KIAA0825: variants seen among roughly 807,000 people sequenced by gnomAD.
KIAA0825 encodes the protein KIAA0825.
Under a neutral mutation model 147.6 loss-of-function variants are expected in KIAA0825, and 119 were observed. The ratio of observed to expected loss-of-function variants is 0.81; its 90% CI spans 0.69 to 0.94. The LOEUF (loss-of-function observed/expected upper bound fraction) is 0.94. Among genes scored for constraint, KIAA0825 ranks in the 40% least tolerant of loss-of-function variants. KIAA0825 has a pLI of 0.00. For missense variants in KIAA0825, 1,381 were observed against 1,472.7 expected, an observed-to-expected ratio of 0.94 and a Z score of 1.02; for synonymous variants, 470 against 518.1, an observed-to-expected ratio of 0.91 and a Z score of 1.26.
intron 20 of KIAA0825, among the ~76,000 whole-genome samples, chr5:94,298,714 T>C (rs1778251984): frequency 6.6e-6 from 1 of 152,320 alleles, no homozygotes; most frequent in Middle Eastern, 3.4e-3. Context: ...TCTGAATCTA[T>C]AGAATTGCCA....
chr5:94,251,088 G>A (rs895092041), intron 20 of KIAA0825, among the ~76,000 whole-genome samples: 1 of 151,932 alleles, frequency 6.6e-6, no homozygotes, highest in Non-Finnish European at 1.5e-5. Context: ...TCATTGTTGG[G>A]TGACCCATCT....
intron 1 of KIAA0825, among the ~76,000 whole-genome samples, chr5:94,613,824 A>G (rs977124722): frequency 6.6e-6 from 1 of 152,276 alleles, no homozygotes; most frequent in East Asian, 1.9e-4. Context: ...GTGAGTCAGG[A>G]GGACAACGAG....
At chr5:94,262,836 T>TG (rs897968796) in intron 20 of KIAA0825, among the ~76,000 whole-genome samples, 11 of 151,724 alleles carry the variant, frequency 7.3e-5, no homozygotes, top group Non-Finnish European at 1.5e-4. Context: ...ACTGTGGGGG[T>TG]GGGGGGCTGT....
chr5:94,289,054 T>A (rs936861914), intron 20 of KIAA0825, among the ~76,000 whole-genome samples: 2 of 152,126 alleles, frequency 1.3e-5, no homozygotes, highest in Non-Finnish European at 1.5e-5. Context: ...GCCCAAGTAC[T>A]TTTCCCTCTG....
intron 20 of KIAA0825, among the ~76,000 whole-genome samples, chr5:94,250,137 A>AGGG (rs1775874647): frequency 6.6e-6 from 1 of 152,120 alleles, no homozygotes; most frequent in Non-Finnish European, 1.5e-5. Flanking sequence ...AGCCAATCCA[A>AGGG]TACATCAGAA....
At chr5:94,321,480 CA>C (rs1179000377) in intron 20 of KIAA0825, among the ~76,000 whole-genome samples, 2 of 151,916 alleles carry the variant, frequency 1.3e-5, no homozygotes, top group African/African-American at 4.8e-5. Flanking sequence ...AAAAGTGAGG[CA>C]CTGAAAGGTA....
At chr5:94,518,195 ATGT>A (rs1767568904) in intron 5 of KIAA0825, among the ~76,000 whole-genome samples, 1 of 152,180 alleles carries the variant, frequency 6.6e-6, no homozygotes, top group African/African-American at 2.4e-5. Context: ...CATCTCAAAG[ATGT>A]ATTTCCTTAA....
intron 2 of KIAA0825, among the ~76,000 whole-genome samples, chr5:94,561,933 T>G: frequency 6.6e-6 from 1 of 152,132 alleles, no homozygotes; most frequent in East Asian, 1.9e-4. Flanking sequence ...GTAACTTGAG[T>G]ATTATTAAAC....
chr5:94,507,456 C>G lies in KIAA0825; in HGVS notation c.970+12792G>C, dbSNP rs536345971. Among the ~76,000 whole-genome samples, 218 of 146,130 alleles carry G rather than the reference C, an allele frequency of 1.5e-3. 1 individual carries two copies. Among genetic ancestry groups the G allele is most frequent in the Middle Eastern group, 3.5e-3 (1 of 286 alleles). On this transcript the variant is annotated intron_variant, in intron 5 of 20. Transcript: ENST00000682413. ...GACAGAGCAAGACACCGTCCCCCCGCCCCCCCCAAAAAAACCTGACAGGCT... is the reference window on the plus strand; with the variant it reads ...GACAGAGCAAGACACCGTCCCCCCGGCCCCCCCAAAAAAACCTGACAGGCT...
intron 1 of KIAA0825, among the ~76,000 whole-genome samples, chr5:94,617,449 C>A (rs1440317097): frequency 6.6e-6 from 1 of 152,016 alleles, no homozygotes; most frequent in Non-Finnish European, 1.5e-5. Context: ...TTAACAGGGG[C>A]CTTGAATTGA....
chr5:94,549,153 T>G (rs1483180242), intron 2 of KIAA0825, among the ~76,000 whole-genome samples: 1 of 152,106 alleles, frequency 6.6e-6, no homozygotes, highest in Non-Finnish European at 1.5e-5. Flanking sequence ...ATTTCGCTCC[T>G]CAGCACATAG....
At chr5:94,286,020 T>C (rs979143460) in intron 20 of KIAA0825, among the ~76,000 whole-genome samples, 4 of 152,178 alleles carry the variant, frequency 2.6e-5, no homozygotes, top group African/African-American at 9.7e-5. Flanking sequence ...ATGAAAACTA[T>C]AATCAAATTC....
chr5:94,309,859 G>T (rs1779003917), intron 20 of KIAA0825, among the ~76,000 whole-genome samples: 1 of 151,628 alleles, frequency 6.6e-6, no homozygotes, highest in South Asian at 2.1e-4. Context: ...CTCTGTTTGT[G>T]GACAGATATC....
rs869206314 is a variant in KIAA0825, at chr5:94,580,875, CAAAAAAAAAAAAAAAAAAAAAAAAAAAAA to C, written c.-2+1529_-2+1557del. Among the ~76,000 whole-genome samples the C allele has an allele frequency of 1.7e-3, 6 of 3,496 alleles. 1 individual carries two copies. Among genetic ancestry groups the C allele is most frequent in the Middle Eastern group, 0.5 (1 of 2 alleles). The allele number at this position is 3,496 out of a possible 152,430, so 2.3% of individuals were successfully genotyped here. A position where few individuals can be genotyped will look rare whatever the true frequency, so the allele number is the denominator to read the frequency against. On this transcript the variant is annotated intron_variant, in intron 2 of 20. Transcript: ENST00000682413. ...TGGGCGACAGAGCGAGACTCCGTCT[CAAAAAAAAAAAAAAAAAAAAAAAAAAAAA>C]AAAAAAAAAAAAAAAAATGCATAAC...
At chr5:94,433,971 C>T (rs1369977399) in intron 14 of KIAA0825, among the ~76,000 whole-genome samples, 1 of 152,136 alleles carries the variant, frequency 6.6e-6, no homozygotes, top group Non-Finnish European at 1.5e-5. Flanking sequence ...ATGTAAGAAA[C>T]CTGTAAGGCC....
intron 20 of KIAA0825, among the ~76,000 whole-genome samples, chr5:94,378,595 G>A (rs1747922162): frequency 6.6e-6 from 1 of 152,214 alleles, no homozygotes; most frequent in South Asian, 2.1e-4. Flanking sequence ...ATTGTAGAAT[G>A]ATTTCTATTC....
rs1686822035 is a variant in KIAA0825 at position 94,326,792 on chromosome 5, A to G, written c.3710+57576T>C. 2.0e-5 allele frequency among the ~76,000 whole-genome samples: 3 copies of G among 152,208 alleles called. No homozygotes were observed. The South Asian group carries it at 6.2e-4, about 32-fold the overall frequency. ...TTTTTGTTTTTCCAAATCTATCGGT[A>G]CTTGAAATTCCAGTCCAAAAGGCTT... On this transcript the variant is annotated intron_variant, in intron 20 of 20. Coordinates refer to ENST00000682413, the MANE Select transcript of KIAA0825 (RefSeq NM_001145678.3).
intron 20 of KIAA0825, among the ~76,000 whole-genome samples, chr5:94,373,408 TC>T (rs1162763111): frequency 6.6e-6 from 1 of 152,086 alleles, no homozygotes. Flanking sequence ...AAGGAGAAAA[TC>T]TTTTTTTTAA....
rs200429859 is a variant in KIAA0825 at position 94,170,429 on chromosome 5, ATACT to A, written c.3711-16309_3711-16306del. 2.1e-4 allele frequency among the ~76,000 whole-genome samples: 32 copies of A among 152,356 alleles called. 1 individual carries two copies. In the East Asian group the frequency reaches 6.0e-3, roughly 28 times the overall value. ...GGTGGCAGATTAGGAATGTCTCAAAATACTTATTATCATTTTTGCTACTTGGGGA... is the reference window on the plus strand; with the variant it reads ...GGTGGCAGATTAGGAATGTCTCAAAATATTATCATTTTTGCTACTTGGGGA... On this transcript the variant is annotated intron_variant, in intron 20 of 20. Coordinates refer to ENST00000682413, the MANE Select transcript of KIAA0825 (RefSeq NM_001145678.3).
Sources: gnomAD v4.1 joint callset for allele counts (sites outside exome capture counted in the v4.1 genomes callset) on GRCh38, gnomAD v4.1.1 for gene constraint, MANE v1.5 for transcripts, NCBI Gene and HGNC (gene_info 2026-07-23, HGNC 2026-07-21) for gene names.